Variants in RPTOR observed in about 807,000 individuals in gnomAD.
RPTOR encodes the protein regulatory associated protein of MTOR complex 1.
Under a neutral mutation model 169.9 loss-of-function variants are expected in RPTOR, and 21 were observed. The ratio of observed to expected loss-of-function variants is 0.12; its 90% CI spans 0.09 to 0.18. The LOEUF is 0.18. Among genes scored for constraint, RPTOR ranks in the 10% least tolerant of loss-of-function variants. The pLI is 1.00. For synonymous variants in RPTOR, 732 were observed against 753.2 expected (o/e 0.97, Z 0.46); for missense variants, 1,133 against 1,855.9 (o/e 0.61, Z 7.16).
intron 1 of RPTOR, among the ~76,000 whole-genome samples, chr17:80,565,521 G>C (rs1200209560): frequency 6.7e-6 from 1 of 150,276 alleles, no homozygotes; most frequent in African/African-American, 2.4e-5. Flanking sequence ...GGGAGAATGT[G>C]GTGAAGCAAG....
intron 21 of RPTOR, chr17:80,909,610 C>T (rs939780669): frequency 1.3e-5 from 2 of 152,224 alleles, no homozygotes; most frequent in African/African-American, 4.8e-5. Flanking sequence ...TTCAAGTGAT[C>T]CTCCTGCCTT....
At chr17:80,673,258 G>A (rs78783939) in intron 3 of RPTOR, among the ~76,000 whole-genome samples, 208 of 152,302 alleles carry the variant, frequency 1.4e-3, no homozygotes, top group African/African-American at 4.9e-3. Context: ...TACGTTTCCT[G>A]TAAAGATTTT....
chr17:80,839,628 C>T (rs1475360873), intron 10 of RPTOR, among the ~76,000 whole-genome samples: 1 of 152,174 alleles, frequency 6.6e-6, no homozygotes, highest in Non-Finnish European at 1.5e-5. Flanking sequence ...GCCAGCTGTC[C>T]ACCCTCAGCC....
At chr17:80,778,624 C>T (rs2066912083) in intron 6 of RPTOR, among the ~76,000 whole-genome samples, 1 of 152,116 alleles carries the variant, frequency 6.6e-6, no homozygotes, top group Non-Finnish European at 1.5e-5. Context: ...TAGCAACACC[C>T]AGTCTGTACC....
Position 80,585,207 on chromosome 17 carries a change from TG to T in RPTOR, c.162+39417del, listed in dbSNP as rs1167413821. ...TTATTATTATTATTATTATTATTTT[TG>T]TTTTTTTTTTTCCTGAGATGGAGTC... On this transcript the variant is annotated intron_variant, in intron 1 of 33. Transcript: ENST00000306801. Among the ~76,000 whole-genome samples the T allele has an allele frequency of 8.4e-4, 123 of 146,780 alleles. 1 individual carries two copies. Among genetic ancestry groups the T allele is most frequent in the African/African-American group, 2.6e-3 (101 of 38,872 alleles).
rs1390901489 is a variant in RPTOR at position 80,825,170 on chromosome 17, A to G, written c.1136+1947A>G. Among the ~76,000 whole-genome samples the G allele has an allele frequency of 2.0e-5, 3 of 147,372 alleles. No homozygotes were observed. The East Asian group carries it at 6.0e-4, about 30-fold the overall frequency. ...GGCGAGGCCAGTATGGGGCAGCCACATCCCACCTCTCCATCTAGAGGCCGC... is the reference window on the plus strand; with the variant it reads ...GGCGAGGCCAGTATGGGGCAGCCACGTCCCACCTCTCCATCTAGAGGCCGC... On this transcript the variant is annotated intron_variant, in intron 9 of 33. Transcript: ENST00000306801.
chr17:80,835,735 G>T (rs770580274), intron 9 of RPTOR, among the ~76,000 whole-genome samples: 11 of 152,166 alleles, frequency 7.2e-5, no homozygotes, highest in Non-Finnish European at 1.2e-4. Flanking sequence ...TTTACTCTTA[G>T]ACTTGGGTCC....
intron 21 of RPTOR, among the ~76,000 whole-genome samples, chr17:80,920,796 TG>T (rs1342291495): frequency 1.3e-5 from 2 of 152,256 alleles, no homozygotes; most frequent in African/African-American, 4.8e-5. Flanking sequence ...CACCTCCCAC[TG>T]TTTTTCCAGA....
At chr17:80,887,832 C>A (rs373174725) in intron 17 of RPTOR, among the ~76,000 whole-genome samples, 1 of 152,162 alleles carries the variant, frequency 6.6e-6, no homozygotes, top group Admixed American at 6.5e-5. Flanking sequence ...GCTTACTTGA[C>A]AAAATTTAAA....
intron 3 of RPTOR, among the ~76,000 whole-genome samples, chr17:80,665,626 C>G (rs1309100824): frequency 6.6e-6 from 1 of 151,296 alleles, no homozygotes; most frequent in Admixed American, 6.6e-5. Flanking sequence ...CTCACTGCAA[C>G]CTCCGCCTCC....
At chr17:80,887,602 G>A (rs886222242) in intron 17 of RPTOR, among the ~76,000 whole-genome samples, 2 of 152,206 alleles carry the variant, frequency 1.3e-5, no homozygotes, top group African/African-American at 4.8e-5. Flanking sequence ...TCCTGAGCCT[G>A]CTGTGGGGCT....
rs116225263 is a variant in RPTOR, at chr17:80,768,366, G to A, written c.830+14181G>A. ...CTTTTGTGAGAGTTTGAATGCATCC[G>A]TGTGTAATGTATCTGGAGGACTCAA... On this transcript the variant is annotated intron_variant, in intron 6 of 33. Coordinates refer to ENST00000306801, the MANE Select transcript of RPTOR (RefSeq NM_020761.3). Among the ~76,000 whole-genome samples, 631 of 152,288 alleles carry A rather than the reference G, an allele frequency of 4.1e-3. 5 individuals are homozygous for A. The highest frequency in any genetic ancestry group is 0.015 in the African/African-American group (606 of 41,550).
chr17:80,633,346 G>A lies in RPTOR; in HGVS notation c.265+7553G>A, dbSNP rs1458713428. On this transcript the variant is annotated intron_variant, in intron 2 of 33. Transcript: ENST00000306801. The surrounding 1 kb of genome is among the most constrained non-coding windows in gnomAD (Gnocchi z 4.1). ...TGCATGCAGGTTTGCCAGTGTCCCAGGAATGTCCTTTGTAGCGCCAGGATC... is the reference window on the plus strand; with the variant it reads ...TGCATGCAGGTTTGCCAGTGTCCCAAGAATGTCCTTTGTAGCGCCAGGATC... Among the ~76,000 whole-genome samples the A allele has an allele frequency of 6.6e-6, 1 of 152,202 alleles. No homozygotes were observed. Among genetic ancestry groups the A allele is most frequent in the Admixed American group, 6.5e-5 (1 of 15,284 alleles).
chr17:80,753,362 C>T (rs951008602), intron 5 of RPTOR, among the ~76,000 whole-genome samples: 4 of 133,956 alleles, frequency 3.0e-5, no homozygotes, highest in East Asian at 2.2e-4. Context: ...AGGCCGGGCG[C>T]GGTGGCTCAC....
chr17:80,550,168 G>C (rs758559209), intron 1 of RPTOR, among the ~76,000 whole-genome samples: 1 of 152,168 alleles, frequency 6.6e-6, no homozygotes, highest in Non-Finnish European at 1.5e-5. Flanking sequence ...ACTGTGCCCT[G>C]TTCCACTCCC....
At chr17:80,555,958 C>T in intron 1 of RPTOR, among the ~76,000 whole-genome samples, 1 of 150,160 alleles carries the variant, frequency 6.7e-6, no homozygotes, top group South Asian at 2.1e-4. Context: ...GGGGGCTGGG[C>T]GTGGTGGCTC....
chr17:80,816,928 G>A (rs372485698), intron 7 of RPTOR, among the ~76,000 whole-genome samples: 3 of 152,338 alleles, frequency 2.0e-5, no homozygotes, highest in Admixed American at 6.5e-5. Flanking sequence ...CCTGCGAGGC[G>A]GCTGCGGGGT....
At chr17:80,557,448 TG>T (rs2084423744) in intron 1 of RPTOR, among the ~76,000 whole-genome samples, 1 of 149,404 alleles carries the variant, frequency 6.7e-6, no homozygotes, top group South Asian at 2.1e-4. Context: ...ACCCGGGAGG[TG>T]GAGGTTTCAG....
At chr17:80,809,862 G>C (rs1261276440) in intron 7 of RPTOR, among the ~76,000 whole-genome samples, 1 of 151,974 alleles carries the variant, frequency 6.6e-6, no homozygotes, top group Admixed American at 6.6e-5. Context: ...CACGGTGAAA[G>C]CCCGTCTCTA....
Sources: gnomAD v4.1 joint callset for allele counts (sites outside exome capture counted in the v4.1 genomes callset) on GRCh38, gnomAD v4.1.1 for gene constraint, Gnocchi (gnomAD v3.1) non-coding constraint, MANE v1.5 for transcripts, NCBI Gene and HGNC (gene_info 2026-07-23, HGNC 2026-07-21) for gene names.